ERBIN: variants seen among roughly 807,000 people sequenced by gnomAD.
ERBIN encodes the protein densin-180-like protein.
In ERBIN, 60 loss-of-function variants were observed where a neutral mutation model predicts 158.4. The observed-to-expected ratio is 0.38, with a 90% CI of 0.31 to 0.47. The LOEUF is 0.47. ERBIN is among the 20% of genes least tolerant of loss of function. The probability of loss-of-function intolerance (pLI) is 0.99; values close to 1 mark genes in which losing one functional copy is unlikely to be tolerated. For synonymous variants in ERBIN, 594 were observed against 557.2 expected (o/e 1.07, Z -0.93); for missense variants, 1,610 against 1,648.0 (o/e 0.98, Z 0.40).
intron 1 of ERBIN, among the ~76,000 whole-genome samples, chr5:65,968,262 A>G (rs251295): frequency 0.29 from 44,733 of 152,072 alleles, 8,111 homozygotes; most frequent in Non-Finnish European, 0.42. Context: ...TGGGGAGACC[A>G]TTATACATTC....
intron 1 of ERBIN, among the ~76,000 whole-genome samples, chr5:65,981,883 C>G (rs945168978): frequency 6.6e-6 from 1 of 152,144 alleles, no homozygotes; most frequent in Non-Finnish European, 1.5e-5. Context: ...AAAACTTATG[C>G]TGCATTGAGT....
At chr5:66,000,343 A>G (rs775754129) in intron 4 of ERBIN, among the ~76,000 whole-genome samples, 21 of 152,190 alleles carry the variant, frequency 1.4e-4, no homozygotes, top group Admixed American at 3.3e-4. Context: ...ACCCTACAGC[A>G]TCATTAAATT....
At chr5:65,999,706 GGC>G (rs1752830043) in intron 4 of ERBIN, among the ~76,000 whole-genome samples, 1 of 152,142 alleles carries the variant, frequency 6.6e-6, no homozygotes, top group Non-Finnish European at 1.5e-5. Context: ...TAGATCAGTT[GGC>G]TTTTGATTTG....
intron 7 of ERBIN, among the ~76,000 whole-genome samples, chr5:66,019,031 C>A (rs915590783): frequency 6.6e-6 from 1 of 152,136 alleles, no homozygotes; most frequent in African/African-American, 2.4e-5. Flanking sequence ...CTGATTTTCA[C>A]ATGCTGATTT....
intron 3 of ERBIN, 70 bp from the exon 4 acceptor site, chr5:65,994,677 A>G (rs1752226081): frequency 1.2e-6 from 1 of 836,460 alleles, no homozygotes; most frequent in Non-Finnish European, 1.9e-6. Context: ...TATGGCTGAT[A>G]ATAAAAGTTA....
Position 66,080,631 on chromosome 5 carries a change from T to G in ERBIN, c.*2101T>G, listed in dbSNP as rs1371196024. ...TTTCACAGGCACATTCTACTTTTAA[T>G]CAGAAATATATTTAATAAGTATAAT... On this transcript the variant is annotated 3_prime_UTR_variant, in exon 26 of 26. Transcript: ENST00000284037. 6.6e-6 allele frequency: 1 copy of G among 152,078 alleles called. No individual in the cohort carries two copies. Among genetic ancestry groups the G allele is most frequent in the Non-Finnish European group, 1.5e-5 (1 of 67,912 alleles). 9.4% of individuals were successfully genotyped at this position (152,078 alleles called of 1,614,324 possible).
In ERBIN at chr5:66,012,239, C is replaced by T. The variant is rs9291852; in HGVS notation, c.386+112C>T. ...ATTTTATATCAATCTTAAGTCTATA[C>T]AAAATTTCAATTTTAGAGTTAAAAA... On this transcript the variant is annotated intron_variant, in intron 5 of 25. Coordinates refer to ENST00000284037, the MANE Select transcript of ERBIN (RefSeq NM_001253697.2). 3,535 of 617,400 alleles carry T rather than the reference C, an allele frequency of 5.7e-3. 98 individuals are homozygous for T. In the African/African-American group the frequency reaches 0.059, roughly 10 times the overall value. The allele number at this position is 617,400 out of a possible 1,614,324, so 38.2% of individuals were successfully genotyped here.
At chr5:66,066,382 T>C (rs1488798183) in intron 21 of ERBIN, among the ~76,000 whole-genome samples, 1 of 152,112 alleles carries the variant, frequency 6.6e-6, no homozygotes, top group African/African-American at 2.4e-5. Flanking sequence ...TCACAGTGCC[T>C]GCCCTACCTC....
At chr5:66,025,310 A>G in intron 10 of ERBIN, 170 bp from the exon 11 acceptor site, 1 of 633,054 alleles carries the variant, frequency 1.6e-6, no homozygotes, top group South Asian at 1.8e-5. Context: ...GATTGAAAGG[A>G]CAGGATGAGG....
At chr5:66,055,050 A>G (rs548789182) in intron 21 of ERBIN, 99 bp downstream of exon 21, 41 of 1,435,470 alleles carry the variant, frequency 2.9e-5, no homozygotes, top group Admixed American at 5.7e-5. Context: ...TTATCTCTTT[A>G]TATTCTAGGT....
At chr5:65,957,678 A>G (rs993702702) in intron 1 of ERBIN, among the ~76,000 whole-genome samples, 2 of 152,188 alleles carry the variant, frequency 1.3e-5, no homozygotes, top group Non-Finnish European at 2.9e-5. Flanking sequence ...CCCCTTTTCT[A>G]TTCGACAAAA....
In ERBIN at chr5:66,025,914, G is replaced by A; in HGVS notation, c.957G>A (p.Gly319=). 2 of 1,593,104 alleles carry A rather than the reference G, an allele frequency of 1.3e-6. No individual in the cohort carries two copies. Among genetic ancestry groups the A allele is most frequent in the Admixed American group, 1.7e-5 (1 of 57,662 alleles). ...TTGAAGCTTTGCCTTCATCTATTGG[G>A]CAGCTTACTAACTTAAGAACTTTTG... The part of the protein sequence containing the change: ...NEVEALPSSI[G]QLTNLRTFAA... The change falls in exon 12 of 26, where the codon GGG becomes GGA. Residue 319 remains glycine, a synonymous_variant. Coordinates refer to ENST00000284037, the MANE Select transcript of ERBIN (RefSeq NM_001253697.2).
At chr5:65,941,179 TGGAAGGCC>T (rs1389196879) in intron 1 of ERBIN, among the ~76,000 whole-genome samples, 4 of 152,068 alleles carry the variant, frequency 2.6e-5, no homozygotes, top group Admixed American at 2.6e-4. Flanking sequence ...ACAAACACTG[TGGAAGGCC>T]GCAGGGTCCT....
chr5:66,015,113 A>G (rs1007539950), intron 7 of ERBIN, among the ~76,000 whole-genome samples: 1 of 152,158 alleles, frequency 6.6e-6, no homozygotes, highest in African/African-American at 2.4e-5. Context: ...TAACGGTAGA[A>G]CTTGATTGTC....
At chr5:65,944,539 G>A (rs894483752) in intron 1 of ERBIN, among the ~76,000 whole-genome samples, 7 of 152,000 alleles carry the variant, frequency 4.6e-5, no homozygotes, top group African/African-American at 1.5e-4. Context: ...CAGGTAGCTG[G>A]GACTATAGGC....
chr5:65,940,476 TC>T (rs1244777484), intron 1 of ERBIN, among the ~76,000 whole-genome samples: 1,185 of 18,452 alleles, frequency 0.064, 148 homozygotes, highest in Middle Eastern at 0.17. Flanking sequence ...GGGGGGTCAG[TC>T]CCCCCCCCCC....
chr5:66,003,887 C>G (rs251300), intron 4 of ERBIN, among the ~76,000 whole-genome samples: 109,012 of 146,866 alleles, frequency 0.74, 41,815 homozygotes, highest in Non-Finnish European at 0.86. Context: ...TTTGTGATAT[C>G]TAATCTAGAG....
intron 1 of ERBIN, among the ~76,000 whole-genome samples, chr5:65,946,603 T>C (rs1443821235): frequency 3.9e-5 from 6 of 152,318 alleles, no homozygotes; most frequent in East Asian, 1.9e-4. Context: ...AATATTCATG[T>C]AGAGGTTTTT....
rs1203221842 is a variant in ERBIN at position 66,076,366 on chromosome 5, T to C, written c.4014T>C (p.Gly1338=). 6.2e-7 allele frequency: 1 copy of C among 1,613,694 alleles called. No individual in the cohort carries two copies. The highest frequency in any genetic ancestry group is 8.5e-7 in the Non-Finnish European group (1 of 1,179,824). The change falls in exon 24 of 26, where the codon GGT becomes GGC. Residue 1338 remains glycine (G), a synonymous_variant. Coordinates refer to ENST00000284037, the MANE Select transcript of ERBIN (RefSeq NM_001253697.2). The stretch of plus-strand genomic sequence containing the variant: ...CAGAACTTGGATTTAGCATATCAGG[T>C]GGTGTCGGGGGTAGAGGAAACCCAT... The part of the protein sequence containing the change: ...KDPELGFSIS[G]GVGGRGNPFR...
Sources: allele counts gnomAD v4.1 joint callset (sites outside exome capture counted in the v4.1 genomes callset), GRCh38; gene constraint gnomAD v4.1.1; transcripts MANE v1.5; gene names NCBI Gene and HGNC (gene_info 2026-07-23, HGNC 2026-07-21).